The following DNAH8 variants were observed in gnomAD, a reference collection of about 807,000 sequenced individuals.
DNAH8 encodes dynein axonemal heavy chain 8.
A neutral mutation model predicts 562.1 loss-of-function variants in DNAH8; 382 were observed. The observed-to-expected ratio is 0.68, with a 90% CI of 0.63 to 0.74. The LOEUF is 0.74. Among genes scored for constraint, DNAH8 ranks in the 30% least tolerant of loss-of-function variants. The probability of loss-of-function intolerance (pLI) is 0.00; values close to 1 mark genes in which losing one functional copy is unlikely to be tolerated. For synonymous variants in DNAH8, 1,881 were observed against 1,919.4 expected (o/e 0.98, Z 0.52); for missense variants, 5,203 against 5,620.4 (o/e 0.93, Z 2.37).
rs750759315 is a variant in DNAH8, at chr6:39,012,283, C to T, written c.13440C>T (p.Asp4480=). Reference sequence around the variant, plus strand: ...ACATATTTCTTAGACAAGAAATTGACAGAATGCAAAGAGTCATTTCAATAC... The same window carrying T: ...ACATATTTCTTAGACAAGAAATTGATAGAATGCAAAGAGTCATTTCAATAC... ...SMNIFLRQEI[D]RMQRVISILR... Residue 4480 remains aspartate, a synonymous_variant, in exon 90 of 93, where the codon GAC becomes GAT. Transcript: ENST00000327475. 2.5e-6 allele frequency: 4 copies of T among 1,612,082 alleles called. No homozygotes were observed. The South Asian group carries it at 4.4e-5, about 18-fold the overall frequency.
intron 88 of DNAH8, 93 bp from the exon 89 acceptor site, chr6:39,008,714 TGCTTTGA>T: frequency 1.2e-5 from 7 of 563,802 alleles, no homozygotes; most frequent in Non-Finnish European, 1.7e-5. Flanking sequence ...TTTTGTAGCT[TGCTTTGA>T]TTTAAGTGAT....
At chr6:38,782,909 T>C (rs1768780001) in intron 16 of DNAH8, 95 bp from the exon 17 acceptor site, 1 of 1,148,666 alleles carries the variant, frequency 8.7e-7, no homozygotes, top group Non-Finnish European at 1.2e-6. Flanking sequence ...GTAGCATAAT[T>C]ATTTGATATC....
At chr6:38,749,759 A>G (rs1052692467) in intron 8 of DNAH8, among the ~76,000 whole-genome samples, 1 of 152,220 alleles carries the variant, frequency 6.6e-6, no homozygotes, top group Non-Finnish European at 1.5e-5. Context: ...TTTGATGACC[A>G]CTTACAAGAA....
intron 86 of DNAH8, among the ~76,000 whole-genome samples, chr6:38,982,676 A>G (rs1764116502): frequency 6.6e-6 from 1 of 152,152 alleles, no homozygotes. Context: ...AGTGTGTTGC[A>G]AAATACCGCA....
intron 5 of DNAH8, among the ~76,000 whole-genome samples, chr6:38,735,017 T>C (rs1362661099): frequency 6.6e-6 from 1 of 152,190 alleles, no homozygotes; most frequent in Non-Finnish European, 1.5e-5. Context: ...GGCAGGATGA[T>C]GGAATGGGAA....
rs3918449 is a variant in DNAH8 at position 38,905,133 on chromosome 6, A to G, written c.9195-1121A>G. ...AGGATTACTCTGACAGCATCAGGCC[A>G]CTAGATCTTTCTGGTTCCAGGGCTC... On this transcript the variant is annotated intron_variant, in intron 62 of 92. Coordinates refer to ENST00000327475, the MANE Select transcript of DNAH8 (RefSeq NM_001206927.2). Among the ~76,000 whole-genome samples, 1,600 of 152,248 alleles carry G rather than the reference A, an allele frequency of 0.011. 91 individuals are homozygous for G. The East Asian group carries it at 0.15, about 14-fold the overall frequency.
At position 38,722,841 on chromosome 6, in the gene DNAH8, C is replaced by A; in HGVS notation, c.32C>A (p.Ser11Tyr). Residue 11 changes from serine (S) to tyrosine (Y), a missense_variant, in exon 2 of 93, where the codon TCT (serine) becomes TAT (tyrosine). By Grantham distance (144) the Ser-to-Tyr change is moderately radical. Around this residue, in one of 6 missense-constraint regions of DNAH8, gnomAD observed 556 missense variants for 496.9 expected, o/e 1.12. Coordinates refer to ENST00000327475, the MANE Select transcript of DNAH8 (RefSeq NM_001206927.2). MEKDAEDGAP[S>Y]EGAEAPPSTE... ...AAGGATGCTGAAGATGGCGCCCCTT[C>A]TGAGGGAGCAGAGGCTCCTCCCTCT... is the stretch of plus-strand genomic sequence containing the variant. The A allele has an allele frequency of 6.2e-7, 1 of 1,605,032 alleles. No individual in the cohort carries two copies. The highest frequency in any genetic ancestry group is 1.7e-5 in the Admixed American group (1 of 58,610).
chr6:38,914,334 A>C (rs1781128737), intron 67 of DNAH8, among the ~76,000 whole-genome samples: 1 of 151,020 alleles, frequency 6.6e-6, no homozygotes, highest in Admixed American at 6.6e-5. Context: ...AAAGAAAGAA[A>C]GAGGAAAAAT....
intron 60 of DNAH8, among the ~76,000 whole-genome samples, chr6:38,897,396 GA>G (rs1191860289): frequency 1.3e-5 from 2 of 152,036 alleles, no homozygotes; most frequent in Non-Finnish European, 2.9e-5. Flanking sequence ...GCCCTTTACA[GA>G]AAAAATTTAC....
rs889382425 is a variant in DNAH8 at position 39,001,620 on chromosome 6, A to G, written c.13215-7194A>G. ...CTTCAGGTAACTCACAGCACAGGGTAGAGTGTGGGAAGAAGAAAGAAGGAA... is the reference window on the plus strand; with the variant it reads ...CTTCAGGTAACTCACAGCACAGGGTGGAGTGTGGGAAGAAGAAAGAAGGAA... On this transcript the variant is annotated intron_variant, in intron 88 of 92. Coordinates refer to ENST00000327475, the MANE Select transcript of DNAH8 (RefSeq NM_001206927.2). Among the ~76,000 whole-genome samples the G allele has an allele frequency of 2.0e-5, 3 of 152,150 alleles. No homozygotes were observed. In the East Asian group the frequency reaches 5.8e-4, roughly 29 times the overall value.
intron 87 of DNAH8, among the ~76,000 whole-genome samples, chr6:38,987,334 A>T (rs1463155464): frequency 6.6e-6 from 1 of 152,096 alleles, no homozygotes; most frequent in Non-Finnish European, 1.5e-5. Context: ...CTGTACCCTG[A>T]CATTTGGCAT....
chr6:38,867,661 G>C (rs1362943003), intron 47 of DNAH8, among the ~76,000 whole-genome samples: 1 of 149,862 alleles, frequency 6.7e-6, no homozygotes, highest in Non-Finnish European at 1.5e-5. Flanking sequence ...GCTGAGGCAG[G>C]AGAATTGCTT....
In DNAH8 at chr6:38,971,679, G is replaced by C; in HGVS notation, c.12525+14G>C. ...TCAATGCAGCAGGTATGTGACAAGA[G>C]ACTGCTCCTGCTGCAACATTATTGC... is the stretch of plus-strand genomic sequence containing the variant. On this transcript the variant is annotated intron_variant, in intron 83 of 92. Transcript: ENST00000327475. 1.9e-6 allele frequency: 3 copies of C among 1,575,270 alleles called. No individual in the cohort carries two copies. The highest frequency in any genetic ancestry group is 2.6e-6 in the Non-Finnish European group (3 of 1,159,794).
intron 24 of DNAH8, among the ~76,000 whole-genome samples, chr6:38,810,875 G>A (rs555567642): frequency 6.6e-6 from 1 of 152,014 alleles, no homozygotes; most frequent in African/African-American, 2.4e-5. Flanking sequence ...ATCCTTTTTT[G>A]TAAGTCTGAA....
chr6:39,005,719 G>T (rs530479261), intron 88 of DNAH8, among the ~76,000 whole-genome samples: 3 of 152,194 alleles, frequency 2.0e-5, no homozygotes, highest in Admixed American at 6.5e-5. Flanking sequence ...ACAATTATAG[G>T]TATATAGTTA....
chr6:38,890,567 C>A (rs1180080637), intron 57 of DNAH8, 85 bp from the exon 58 acceptor site: 4 of 980,730 alleles, frequency 4.1e-6, no homozygotes, highest in East Asian at 4.8e-5. Context: ...GCTTAGTCAG[C>A]CTTGTAATGA....
rs570280037 is a variant in DNAH8 at position 38,974,039 on chromosome 6, A to G, written c.12678+226A>G. Among the ~76,000 whole-genome samples, 32 of 152,282 alleles carry G rather than the reference A, an allele frequency of 2.1e-4. No individual in the cohort carries two copies. The East Asian group carries it at 4.2e-3, about 20-fold the overall frequency. ...ACTTAGTACTAATTTATTGAGTTTC[A>G]GCTCTGATCAATGTACTTAGTTTAT... On this transcript the variant is annotated intron_variant, in intron 84 of 92. Transcript: ENST00000327475.
chr6:38,912,997 C>T (rs1781016014), intron 66 of DNAH8, among the ~76,000 whole-genome samples: 1 of 152,140 alleles, frequency 6.6e-6, no homozygotes, highest in African/African-American at 2.4e-5. Context: ...TTAGTAGAGA[C>T]AGGGTTTTGC....
intron 82 of DNAH8, among the ~76,000 whole-genome samples, chr6:38,963,135 AT>A (rs1762722101): frequency 6.6e-6 from 1 of 152,128 alleles, no homozygotes; most frequent in African/African-American, 2.4e-5. Context: ...AATAAAAAAA[AT>A]CTGTATGTCA....
Sources: allele counts gnomAD v4.1 joint callset (sites outside exome capture counted in the v4.1 genomes callset), GRCh38; gene constraint gnomAD v4.1.1; regional missense constraint gnomAD v4.1.1; transcripts MANE v1.5; gene names NCBI Gene and HGNC (gene_info 2026-07-23, HGNC 2026-07-21).